ATP2C2: variants seen among roughly 807,000 people sequenced by gnomAD.
ATP2C2 encodes the protein ATPase secretory pathway Ca2+ transporting 2, also known as calcium-transporting ATPase type 2C member 2.
ATP2C2 carries 171 observed loss-of-function variants against 110.8 expected under a neutral mutation model. The observed-to-expected ratio is 1.54, with a 90% CI of 1.36 to 1.75. ATP2C2 has a LOEUF of 1.75. Ranked by LOEUF, ATP2C2 falls within the 40% of genes most tolerant of loss-of-function variation. ATP2C2 has a pLI of 0.00. For missense variants in ATP2C2, 1,963 were observed against 1,235.0 expected (o/e 1.59, Z -8.84); for synonymous variants, 804 against 508.4 (o/e 1.58, Z -7.82).
chr16:84,432,644 C>A (rs1252066278), intron 11 of ATP2C2, among the ~76,000 whole-genome samples: 1 of 152,054 alleles, frequency 6.6e-6, no homozygotes, highest in African/African-American at 2.4e-5. Flanking sequence ...CCTCAGCCTC[C>A]CAAGTAGCTG....
At chr16:84,459,091 C>T (rs201040182) in intron 21 of ATP2C2, 29 bp from the exon 22 acceptor site, 17 of 1,613,402 alleles carry the variant, frequency 1.1e-5, no homozygotes, top group South Asian at 6.6e-5. Context: ...AGGCCCGCTC[C>T]GTGAGTAAAT....
chr16:84,460,833 A>G (rs933393511), intron 24 of ATP2C2, 32 bp downstream of exon 24: 1 of 1,592,968 alleles, frequency 6.3e-7, no homozygotes, highest in Admixed American at 1.7e-5. Flanking sequence ...CTGTTCTCCA[A>G]GCCCTGGTGC....
intron 1 of ATP2C2, among the ~76,000 whole-genome samples, chr16:84,396,123 C>A (rs1288851144): frequency 6.6e-6 from 1 of 152,112 alleles, no homozygotes; most frequent in Non-Finnish European, 1.5e-5. Context: ...AAGGTTCATC[C>A]ATGTTGTAGC....
rs144439083 is a variant in ATP2C2 at position 84,396,840 on chromosome 16, C to T, written c.100-1659C>T. ...ATGGCTAAGCCTGCTTAAAGATCTGCGTAATCGCTGCTGTGCTCCTGGGCA... is the reference window on the plus strand; with the variant it reads ...ATGGCTAAGCCTGCTTAAAGATCTGTGTAATCGCTGCTGTGCTCCTGGGCA... On this transcript the variant is annotated intron_variant, in intron 1 of 26. Coordinates refer to ENST00000262429, the MANE Select transcript of ATP2C2 (RefSeq NM_014861.4). 7.8e-3 allele frequency among the ~76,000 whole-genome samples: 1,192 copies of T among 151,956 alleles called. 31 individuals are homozygous for T. Among genetic ancestry groups the T allele is most frequent in the African/African-American group, 0.027 (1,112 of 41,266 alleles).
At position 84,405,921 on chromosome 16, in the gene ATP2C2, A is replaced by C. The variant is rs192281340; in HGVS notation, c.327+677A>C. Among the ~76,000 whole-genome samples the C allele has an allele frequency of 2.0e-5, 3 of 152,326 alleles. No individual in the cohort carries two copies. The East Asian group carries it at 5.8e-4, about 29-fold the overall frequency. On this transcript the variant is annotated intron_variant, in intron 3 of 26. Coordinates refer to ENST00000262429, the MANE Select transcript of ATP2C2 (RefSeq NM_014861.4). ...GACAACAGAGTGAGACCTTGTCTCC[A>C]CAACAACAACAAAACCAAAGTGAAT...
In ATP2C2 at chr16:84,460,676, A is replaced by G. The variant is rs762815746; in HGVS notation, c.2356A>G (p.Lys786Glu). 3.1e-6 allele frequency: 5 copies of G among 1,614,170 alleles called. No homozygotes were observed. Among genetic ancestry groups the G allele is most frequent in the Admixed American group, 1.7e-5 (1 of 60,032 alleles). The change falls in exon 24 of 27, where the codon AAA (lysine) becomes GAA (glutamate). Residue 786 changes from lysine (K) to glutamate (E), a missense_variant. Coordinates refer to ENST00000262429, the MANE Select transcript of ATP2C2 (RefSeq NM_014861.4). ...CAGCTTGGGGGTAGAGCCCGTTGAC[A>G]AAGACGCCTTCAGGCAGCCACCACG... ...AQSLGVEPVD[K>E]DAFRQPPRSV...
At chr16:84,456,496 A>G (rs1194706864) in intron 21 of ATP2C2, among the ~76,000 whole-genome samples, 114 of 134,728 alleles carry the variant, frequency 8.5e-4, no homozygotes, top group Non-Finnish European at 1.5e-3. Context: ...GGCCAGGGCA[A>G]TCAGGCAGGA....
chr16:84,462,911 C>T (rs148543510), intron 26 of ATP2C2: 228 of 153,170 alleles, frequency 1.5e-3, no homozygotes, highest in South Asian at 0.013. Context: ...GCAGTGACAA[C>T]GGTCCTATGA....
intron 1 of ATP2C2, among the ~76,000 whole-genome samples, chr16:84,377,350 G>A (rs2151396475): frequency 2.0e-5 from 3 of 152,278 alleles, no homozygotes; most frequent in Admixed American, 2.0e-4. Flanking sequence ...GGGCCGGACA[G>A]GCATCTTTGT....
chr16:84,405,052 G>T (rs532838932), intron 2 of ATP2C2, 76 bp from the exon 3 acceptor site: 46 of 1,227,660 alleles, frequency 3.7e-5, no homozygotes, highest in African/African-American at 3.0e-4. Context: ...CTGCCTTTCA[G>T]AGTGGGAGTC....
At chr16:84,388,153 T>C (rs1904427159) in intron 1 of ATP2C2, among the ~76,000 whole-genome samples, 1 of 152,052 alleles carries the variant, frequency 6.6e-6, no homozygotes, top group African/African-American at 2.4e-5. Flanking sequence ...GGTGAAATCC[T>C]GTCTCTACTA....
chr16:84,461,153 G>C, intron 24 of ATP2C2: 1 of 294,522 alleles, frequency 3.4e-6, no homozygotes, highest in Admixed American at 4.7e-5. Context: ...TTACACTCTA[G>C]AGGTGATTGT....
chr16:84,415,022 A>T (rs1273198601), intron 6 of ATP2C2, among the ~76,000 whole-genome samples: 1 of 152,218 alleles, frequency 6.6e-6, no homozygotes, highest in South Asian at 2.1e-4. Context: ...GCATATCCGT[A>T]GTCTGAGGGC....
chr16:84,448,218 C>T (rs896611577), intron 16 of ATP2C2, among the ~76,000 whole-genome samples: 46 of 152,148 alleles, frequency 3.0e-4, no homozygotes, highest in Non-Finnish European at 1.5e-4. Flanking sequence ...ACAGTCCCAG[C>T]TGGGATGATA....
chr16:84,425,904 T>A, intron 11 of ATP2C2, 103 bp downstream of exon 11: 1 of 1,438,684 alleles, frequency 7.0e-7, no homozygotes, highest in African/African-American at 1.4e-5. Context: ...ATAGGAAGGG[T>A]TGGGAAGGTG....
At chr16:84,401,598 A>G (rs537274070) in intron 2 of ATP2C2, among the ~76,000 whole-genome samples, 1 of 152,268 alleles carries the variant, frequency 6.6e-6, no homozygotes, top group Non-Finnish European at 1.5e-5. Context: ...CCCTTTCCCC[A>G]GTGGATGTTC....
intron 6 of ATP2C2, among the ~76,000 whole-genome samples, chr16:84,414,101 G>A (rs1906625519): frequency 1.3e-5 from 2 of 152,154 alleles, no homozygotes; most frequent in South Asian, 4.1e-4. Context: ...TGTCGATCAG[G>A]CTGACATTTA....
chr16:84,425,760 G>C lies in ATP2C2; in HGVS notation c.945G>C (p.Ser315=). Residue 315 remains serine, a synonymous_variant, in exon 11 of 27, where the codon TCG becomes TCC. Transcript: ENST00000262429. ...GTCTCATCATGCTCATTGGCTGGTC[G>C]CAAGGGAAACAACTCCTGAGTATGT... ...IIGLIMLIGW[S]QGKQLLSMFT... 1 of 1,614,118 alleles carries C rather than the reference G, an allele frequency of 6.2e-7. No homozygotes were observed. Among genetic ancestry groups the C allele is most frequent in the Admixed American group, 1.7e-5 (1 of 60,014 alleles).
Position 84,454,840 on chromosome 16 carries a change from T to TC in ATP2C2, c.2004dup (p.Val669ArgfsTer42). The TC allele has an allele frequency of 6.2e-7, 1 of 1,611,420 alleles. No homozygotes were observed. Among genetic ancestry groups the TC allele is most frequent in the Non-Finnish European group, 8.5e-7 (1 of 1,178,850 alleles). On this transcript the variant is annotated frameshift_variant, in exon 21 of 27. Coordinates refer to ENST00000262429, the MANE Select transcript of ATP2C2 (RefSeq NM_014861.4). LOFTEE classifies it high-confidence loss of function. ...AAGGCTCTGCAGGAGTCAGGGGCGA[T>TC]CGTGGCCATGACTGGGGATGGGGTG... is the stretch of plus-strand genomic sequence containing the variant.
Sources: gnomAD v4.1 joint callset for allele counts (sites outside exome capture counted in the v4.1 genomes callset) on GRCh38, gnomAD v4.1.1 for gene constraint, MANE v1.5 for transcripts, NCBI Gene and HGNC (gene_info 2026-07-23, HGNC 2026-07-21) for gene names.